Variants in NF1 observed in about 807,000 individuals in gnomAD.
The protein encoded by NF1 is neurofibromin.
Under a neutral mutation model 325.7 loss-of-function variants are expected in NF1, and 122 were observed. The ratio of observed to expected loss-of-function variants is 0.37; its 90% CI spans 0.32 to 0.44. The LOEUF is 0.44. NF1 is among the 20% of genes least tolerant of loss of function. The pLI, the probability that NF1 is intolerant of heterozygous loss-of-function variation, is 1.00. For missense variants in NF1, 2,140 were observed against 3,415.4 expected (o/e 0.63, Z 9.31); for synonymous variants, 1,091 against 1,186.0 (o/e 0.92, Z 1.65).
At chr17:31,187,563 T>G (rs1338295118) in intron 8 of NF1, among the ~76,000 whole-genome samples, 1 of 152,184 alleles carries the variant, frequency 6.6e-6, no homozygotes, top group Non-Finnish European at 1.5e-5. Flanking sequence ...GAATGGCCTT[T>G]TGAAGTCACA....
intron 1 of NF1, among the ~76,000 whole-genome samples, chr17:31,097,490 A>AT (rs1407201641): frequency 6.7e-6 from 1 of 148,188 alleles, no homozygotes; most frequent in Non-Finnish European, 1.5e-5. Flanking sequence ...AGGAGGAATG[A>AT]TTTTGATTAT....
intron 6 of NF1, 97 bp from the exon 7 acceptor site, chr17:31,181,613 A>G (rs2066135128): frequency 9.5e-6 from 12 of 1,266,616 alleles, no homozygotes; most frequent in Non-Finnish European, 1.4e-5. Flanking sequence ...GGAAGAATAC[A>G]TTGTAATATT....
At chr17:31,270,943 G>A (rs540768551) in intron 36 of NF1, among the ~76,000 whole-genome samples, 124 of 152,208 alleles carry the variant, frequency 8.1e-4, no homozygotes, top group African/African-American at 2.6e-3. Flanking sequence ...CAGGGGCAGG[G>A]CCTTATTTAT....
At chr17:31,237,714 T>G (rs2067227921) in intron 29 of NF1, among the ~76,000 whole-genome samples, 1 of 151,936 alleles carries the variant, frequency 6.6e-6, no homozygotes, top group Non-Finnish European at 1.5e-5. Flanking sequence ...ACGGATTTTA[T>G]GTTAATTTTG....
chr17:31,370,067 A>G (rs765337361), intron 57 of NF1, among the ~76,000 whole-genome samples: 15 of 152,270 alleles, frequency 9.9e-5, no homozygotes, highest in Non-Finnish European at 2.1e-4. Context: ...ACAGTAAAAC[A>G]TCTTTGCTGT....
chr17:31,278,422 T>C (rs2068049455), intron 36 of NF1, among the ~76,000 whole-genome samples: 1 of 146,006 alleles, frequency 6.8e-6, no homozygotes, highest in Non-Finnish European at 1.5e-5. Flanking sequence ...TTTTTTTTTT[T>C]TTTTTTTGAA....
At chr17:31,243,234 G>A (rs2067335244) in intron 29 of NF1, among the ~76,000 whole-genome samples, 1 of 143,494 alleles carries the variant, frequency 7.0e-6, no homozygotes, top group African/African-American at 2.8e-5. Flanking sequence ...GGAGCTGGGG[G>A]AGGGGCGACA....
chr17:31,095,404 G>A lies in NF1; in HGVS notation c.60+35G>A, dbSNP rs749185009. 221 of 1,533,404 alleles carry A rather than the reference G, an allele frequency of 1.4e-4. 2 individuals are homozygous for A. In the Admixed American group the frequency reaches 4.1e-3, roughly 29 times the overall value. 95.0% of individuals were successfully genotyped at this position (1,533,404 alleles called of 1,614,324 possible). ...CCGTGGCGGGCGGGAGGTGGGAGCG[G>A]AGTGGGGGTGGGGACAGAGTAGGTG... On this transcript the variant is annotated intron_variant, in intron 1 of 57. Transcript: ENST00000358273.
In NF1 at chr17:31,095,203, C is replaced by T. The variant is rs1456387143; in HGVS notation, c.-107C>T. On this transcript the variant is annotated 5_prime_UTR_variant, in exon 1 of 58. Coordinates refer to ENST00000358273, the MANE Select transcript of NF1 (RefSeq NM_001042492.3). ...ACACTGGGAGCCTGCACTCCACAGA[C>T]CCTCTCCTTGCCTCTTCCCTCACCT... is the stretch of plus-strand genomic sequence containing the variant. 2 of 1,036,856 alleles carry T rather than the reference C, an allele frequency of 1.9e-6. No homozygotes were observed. The highest frequency in any genetic ancestry group is 1.6e-5 in the African/African-American group (1 of 63,602). 64.2% of individuals were successfully genotyped at this position (1,036,856 alleles called of 1,614,324 possible).
chr17:31,319,006 G>C, intron 36 of NF1: 2 of 1,599,588 alleles, frequency 1.3e-6, no homozygotes, highest in East Asian at 2.2e-5. Flanking sequence ...TTCCATGTCC[G>C]TGGGCATGCT....
intron 11 of NF1, among the ~76,000 whole-genome samples, chr17:31,203,235 C>T (rs1171306373): frequency 6.6e-6 from 1 of 152,082 alleles, no homozygotes; most frequent in Non-Finnish European, 1.5e-5. Flanking sequence ...TCCTCTTCTA[C>T]TCTAATGAGC....
chr17:31,225,006 A>C, intron 16 of NF1, 89 bp from the exon 17 acceptor site: 1 of 1,404,334 alleles, frequency 7.1e-7, no homozygotes, highest in East Asian at 2.3e-5. Flanking sequence ...TTTTTAGGAG[A>C]GTCTCAAACA....
At chr17:31,173,283 G>A (rs1021721141) in intron 5 of NF1, among the ~76,000 whole-genome samples, 1 of 152,114 alleles carries the variant, frequency 6.6e-6, no homozygotes, top group African/African-American at 2.4e-5. Flanking sequence ...AGTGGTGGGC[G>A]CCTGTAGTCC....
intron 36 of NF1, among the ~76,000 whole-genome samples, chr17:31,278,699 A>G (rs2094789457): frequency 1.3e-5 from 2 of 150,044 alleles, no homozygotes; most frequent in Admixed American, 6.6e-5. Flanking sequence ...ACTGCAACCT[A>G]CACCTCCCAG....
intron 29 of NF1, among the ~76,000 whole-genome samples, chr17:31,240,475 T>G (rs1414748473): frequency 6.6e-6 from 1 of 152,244 alleles, no homozygotes; most frequent in African/African-American, 2.4e-5. Flanking sequence ...TTATCCATTC[T>G]TCTGTGGACA....
Position 31,230,847 on chromosome 17 carries a change from A to G in NF1, c.3119A>G (p.Lys1040Arg), listed in dbSNP as rs2067101256. ...SFCQEMKFRNKMVEYLTDWVM... is the reference protein window; with the variant it reads ...SFCQEMKFRNRMVEYLTDWVM... Reference sequence around the variant, plus strand: ...TTTTCTCCACCATTCTATAGGAATAAGATGGTAGAATACCTGACAGACTGG... The same window carrying G: ...TTTTCTCCACCATTCTATAGGAATAGGATGGTAGAATACCTGACAGACTGG... The change falls in exon 24 of 58, where the codon AAG becomes AGG. Residue 1040 changes from lysine to arginine, a missense_variant. This residue lies in a region of NF1 where 380 missense variants were observed against 639.3 expected (regional missense o/e 0.59). Coordinates refer to ENST00000358273, the MANE Select transcript of NF1 (RefSeq NM_001042492.3). 1.9e-6 allele frequency: 3 copies of G among 1,598,684 alleles called. No homozygotes were observed. Among genetic ancestry groups the G allele is most frequent in the Non-Finnish European group, 2.6e-6 (3 of 1,167,030 alleles).
chr17:31,150,833 A>G (rs1055895662), intron 1 of NF1, among the ~76,000 whole-genome samples: 16 of 152,104 alleles, frequency 1.1e-4, no homozygotes, highest in Admixed American at 9.8e-4. Flanking sequence ...GGAGTTCAAG[A>G]CCAGCCTGAC....
At position 31,336,790 on chromosome 17, in the gene NF1, C is replaced by G. The variant is rs1161009317; in HGVS notation, c.6303C>G (p.Pro2101=). ...CCCTTGATGTGGCAGCTCATCTTCC[C>G]TACCTCTTCCACGTTGTTACTTTCT... ...NNSLDVAAHL[P]YLFHVVTFLV... is the part of the protein sequence containing the mutation. The change falls in exon 42 of 58, where the codon CCC becomes CCG. Residue 2101 remains proline (P), a synonymous_variant. Transcript: ENST00000358273. This position sits in a 1 kb window ranked among gnomAD's most constrained non-coding sequence, Gnocchi z 5.5. 1 of 1,613,998 alleles carries G rather than the reference C, an allele frequency of 6.2e-7. No individual in the cohort carries two copies. The highest frequency in any genetic ancestry group is 8.5e-7 in the Non-Finnish European group (1 of 1,180,028).
rs762839748 is a variant in NF1 at position 31,343,089 on chromosome 17, T to C, written c.7143T>C (p.Asn2381=). The C allele has an allele frequency of 1.2e-6, 2 of 1,614,088 alleles. No individual in the cohort carries two copies. Among genetic ancestry groups the C allele is most frequent in the South Asian group, 2.2e-5 (2 of 91,086 alleles). ...CKQMDHFVGL[N]FNSNFNFALV... is the part of the protein sequence containing the mutation. ...AAATGGATCATTTTGTTGGACTCAA[T>C]TTCAACTCTAACTTTAACTTTGCAT... Residue 2381 remains asparagine (N), a synonymous_variant, in exon 48 of 58, where the codon AAT becomes AAC. Transcript: ENST00000358273.
Sources: gnomAD v4.1 joint callset for allele counts (sites outside exome capture counted in the v4.1 genomes callset) on GRCh38, gnomAD v4.1.1 for gene constraint, gnomAD v4.1.1 regional missense constraint, Gnocchi (gnomAD v3.1) non-coding constraint, MANE v1.5 for transcripts, NCBI Gene and HGNC (gene_info 2026-07-23, HGNC 2026-07-21) for gene names.